Variants in TRAPPC9 observed in about 807,000 individuals in gnomAD.
The protein encoded by TRAPPC9 is IKK2 binding protein.
In TRAPPC9, 83 loss-of-function variants were observed where a neutral mutation model predicts 124.0. The ratio of observed to expected loss-of-function variants is 0.67; its 90% CI spans 0.56 to 0.80. The LOEUF is 0.80. TRAPPC9 is among the 30% of genes least tolerant of loss of function. TRAPPC9 has a pLI of 0.00. For synonymous variants in TRAPPC9, 638 were observed against 617.5 expected, an observed-to-expected ratio of 1.03 and a Z score of -0.49; for missense variants, 1,302 against 1,508.3, an observed-to-expected ratio of 0.86 and a Z score of 2.27.
At chr8:140,116,945 G>A (rs1183996231) in intron 17 of TRAPPC9, among the ~76,000 whole-genome samples, 1 of 149,332 alleles carries the variant, frequency 6.7e-6, no homozygotes, top group Non-Finnish European at 1.5e-5. Flanking sequence ...GGAGTTCAGT[G>A]AGTAGGCGGA....
intron 17 of TRAPPC9, among the ~76,000 whole-genome samples, chr8:140,073,074 C>T (rs546449176): frequency 8.5e-5 from 13 of 152,216 alleles, no homozygotes; most frequent in African/African-American, 2.4e-4. Flanking sequence ...CGCACAGCAC[C>T]GGAGCTCTTA....
At chr8:140,294,150 C>T (rs1015744025) in intron 11 of TRAPPC9, among the ~76,000 whole-genome samples, 2 of 152,188 alleles carry the variant, frequency 1.3e-5, no homozygotes, top group Non-Finnish European at 1.5e-5. Flanking sequence ...TTTCACCCTA[C>T]TGCTTCACCT....
At chr8:139,805,319 G>A (rs140773351) in intron 21 of TRAPPC9, among the ~76,000 whole-genome samples, 1 of 152,312 alleles carries the variant, frequency 6.6e-6, no homozygotes, top group East Asian at 1.9e-4. Flanking sequence ...CCATGCACAG[G>A]CATCCAGAGT....
chr8:140,001,043 T>C (rs1353653320), intron 18 of TRAPPC9, among the ~76,000 whole-genome samples: 1 of 152,222 alleles, frequency 6.6e-6, no homozygotes, highest in Non-Finnish European at 1.5e-5. Flanking sequence ...CATGGAATAC[T>C]ATGCAGCCAT....
chr8:139,738,861 C>G (rs544916690), intron 21 of TRAPPC9, among the ~76,000 whole-genome samples: 1 of 152,210 alleles, frequency 6.6e-6, no homozygotes, highest in South Asian at 2.1e-4. Context: ...GTAGGGTGCA[C>G]AGCTCTCTGA....
chr8:139,773,606 C>A (rs559512934), intron 21 of TRAPPC9, among the ~76,000 whole-genome samples: 1 of 152,292 alleles, frequency 6.6e-6, no homozygotes, highest in South Asian at 2.1e-4. Flanking sequence ...CCATGCCCCA[C>A]GCCAGCCTGC....
intron 21 of TRAPPC9, among the ~76,000 whole-genome samples, chr8:139,876,841 T>C (rs552938086): frequency 6.6e-6 from 1 of 152,324 alleles, no homozygotes; most frequent in East Asian, 1.9e-4. Context: ...TCTAGGCCTT[T>C]GTATCTGCTG....
At chr8:140,059,505 TA>T (rs951827549) in intron 17 of TRAPPC9, among the ~76,000 whole-genome samples, 1 of 152,242 alleles carries the variant, frequency 6.6e-6, no homozygotes, top group African/African-American at 2.4e-5. Flanking sequence ...GCTATATGTT[TA>T]ACTTTAAAAG....
intron 17 of TRAPPC9, among the ~76,000 whole-genome samples, chr8:140,149,913 T>C (rs1033867309): frequency 1.3e-5 from 2 of 152,200 alleles, no homozygotes; most frequent in Admixed American, 6.5e-5. Context: ...CTAGGTGTTA[T>C]GTAAAACACT....
At chr8:140,397,768 CTCAG>C in intron 6 of TRAPPC9, 23 bp from the exon 7 acceptor site, 1 of 1,613,522 alleles carries the variant, frequency 6.2e-7, no homozygotes, top group Non-Finnish European at 8.5e-7. Context: ...AAGGAAATGC[CTCAG>C]TCAAAAAAGA....
intron 5 of TRAPPC9, among the ~76,000 whole-genome samples, chr8:140,409,379 T>G (rs1031468280): frequency 1.3e-5 from 2 of 152,206 alleles, no homozygotes; most frequent in African/African-American, 4.8e-5. Context: ...GCGGCCTTTA[T>G]GAAGAAGACT....
At chr8:139,920,279 G>A (rs1377127219) in intron 19 of TRAPPC9, among the ~76,000 whole-genome samples, 1 of 152,228 alleles carries the variant, frequency 6.6e-6, no homozygotes, top group Non-Finnish European at 1.5e-5. Context: ...TCAGGAGGTG[G>A]AGGTTGCAGT....
chr8:140,260,500 T>C (rs778281653), intron 15 of TRAPPC9, among the ~76,000 whole-genome samples: 2 of 152,086 alleles, frequency 1.3e-5, no homozygotes, highest in Non-Finnish European at 2.9e-5. Context: ...TGGAAGGTGA[T>C]CAAATGCCTA....
intron 5 of TRAPPC9, among the ~76,000 whole-genome samples, chr8:140,406,476 T>C (rs1402098243): frequency 6.6e-6 from 1 of 152,216 alleles, no homozygotes; most frequent in Non-Finnish European, 1.5e-5. Flanking sequence ...CTGCCACCCA[T>C]CTGTATAACC....
At chr8:139,903,417 T>G (rs1372229902) in intron 20 of TRAPPC9, among the ~76,000 whole-genome samples, 1 of 152,124 alleles carries the variant, frequency 6.6e-6, no homozygotes, top group Non-Finnish European at 1.5e-5. Context: ...CGCACCCAAT[T>G]CTTCCTACTC....
At chr8:140,057,102 T>A (rs1428000598) in intron 17 of TRAPPC9, among the ~76,000 whole-genome samples, 2 of 152,188 alleles carry the variant, frequency 1.3e-5, no homozygotes, top group African/African-American at 4.8e-5. Context: ...CTCAGCCTCG[T>A]AAGTAATTAG....
intron 21 of TRAPPC9, among the ~76,000 whole-genome samples, chr8:139,756,531 C>G (rs1357211032): frequency 7.4e-5 from 10 of 134,460 alleles, no homozygotes; most frequent in East Asian, 4.7e-4. Context: ...GACAGCAGGT[C>G]GCAGGAGGAG....
chr8:139,976,086 T>A (rs543594251), intron 19 of TRAPPC9, among the ~76,000 whole-genome samples: 25 of 151,976 alleles, frequency 1.6e-4, no homozygotes, highest in African/African-American at 5.8e-4. Flanking sequence ...ACAGACGGGG[T>A]TCCACTGTGT....
intron 10 of TRAPPC9, among the ~76,000 whole-genome samples, chr8:140,301,203 C>T (rs142784185): frequency 1.3e-5 from 2 of 152,362 alleles, no homozygotes; most frequent in East Asian, 3.9e-4. Context: ...GCTCTACTCG[C>T]ATGCAGCAGC....
Sources: allele counts gnomAD v4.1 joint callset (sites outside exome capture counted in the v4.1 genomes callset), GRCh38; gene constraint gnomAD v4.1.1; transcripts MANE v1.5; gene names NCBI Gene and HGNC (gene_info 2026-07-23, HGNC 2026-07-21).